GAB4: variants seen among roughly 807,000 people sequenced by gnomAD.
The protein encoded by GAB4 is GRB2 associated binding protein family member 4, also known as GRB2-associated-binding protein 4.
GAB4 carries 26 observed loss-of-function variants against 51.3 expected under a neutral mutation model. That is an observed-to-expected ratio of 0.51 (90% CI 0.37 to 0.70). The LOEUF is 0.70. Ranked by LOEUF, GAB4 falls within the 30% of genes least tolerant of loss-of-function variation. The pLI is 0.00. For synonymous variants in GAB4, 329 were observed against 291.2 expected, an observed-to-expected ratio of 1.13 and a Z score of -1.32; for missense variants, 759 against 734.6, an observed-to-expected ratio of 1.03 and a Z score of -0.38.
At position 16,992,098 on chromosome 22, in the gene GAB4, C is replaced by A. The variant is rs2060918900; in HGVS notation, c.253G>T (p.Asp85Tyr). Residue 85 changes from aspartate (D) to tyrosine (Y), a missense_variant, in exon 2 of 10, where the codon GAT (aspartate) becomes TAT (tyrosine). Coordinates refer to ENST00000400588, the MANE Select transcript of GAB4 (RefSeq NM_001037814.1). ...GTGCGCAGGGGCTTCTTGGAGCCAT[C>A]ATTCTTGTAGTATTCCAGAACATCT... is the stretch of plus-strand genomic sequence containing the variant. ...DPDVLEYYKN[D>Y]GSKKPLRTIN... The A allele has an allele frequency of 3.1e-6, 5 of 1,614,110 alleles. No homozygotes were observed. Among genetic ancestry groups the A allele is most frequent in the South Asian group, 1.1e-5 (1 of 91,078 alleles).
At chr22:17,001,270 G>A (rs1462444702) in intron 1 of GAB4, among the ~76,000 whole-genome samples, 1 of 152,186 alleles carries the variant, frequency 6.6e-6, no homozygotes, top group African/African-American at 2.4e-5. Context: ...TCACTTTCAG[G>A]TACACCAATC....
At chr22:16,974,305 C>T (rs974390801) in intron 3 of GAB4, among the ~76,000 whole-genome samples, 1 of 152,242 alleles carries the variant, frequency 6.6e-6, no homozygotes, top group African/African-American at 2.4e-5. Context: ...GACCCTGTGT[C>T]AGGTGCATGA....
chr22:16,984,029 A>G (rs2060847119), intron 3 of GAB4, among the ~76,000 whole-genome samples: 1 of 152,228 alleles, frequency 6.6e-6, no homozygotes, highest in South Asian at 2.1e-4. Flanking sequence ...TCTACGCAAT[A>G]GGAGAAAGTA....
chr22:16,970,506 C>T (rs1416622949), intron 3 of GAB4, among the ~76,000 whole-genome samples: 1 of 152,176 alleles, frequency 6.6e-6, no homozygotes, highest in Non-Finnish European at 1.5e-5. Context: ...TTCCTCTCCC[C>T]CAATGGCTGT....
chr22:16,970,592 G>C (rs2060722671), intron 3 of GAB4, among the ~76,000 whole-genome samples: 1 of 152,194 alleles, frequency 6.6e-6, no homozygotes, highest in African/African-American at 2.4e-5. Flanking sequence ...GTTCCCTGCT[G>C]TGAGCATTGC....
intron 1 of GAB4, 129 bp from the exon 2 acceptor site, chr22:16,992,305 C>T (rs1288973987): frequency 1.3e-6 from 1 of 787,910 alleles, no homozygotes. Flanking sequence ...TTCGGATTTC[C>T]CCAGTTTCAA....
At chr22:16,971,443 G>T (rs2060731174) in intron 3 of GAB4, among the ~76,000 whole-genome samples, 1 of 152,236 alleles carries the variant, frequency 6.6e-6, no homozygotes, top group Non-Finnish European at 1.5e-5. Flanking sequence ...TCTACGTTCT[G>T]TGTGGGCGCT....
At chr22:16,988,763 G>A (rs2060889851) in intron 2 of GAB4, among the ~76,000 whole-genome samples, 1 of 152,152 alleles carries the variant, frequency 6.6e-6, no homozygotes, top group Non-Finnish European at 1.5e-5. Flanking sequence ...GAACCTACGA[G>A]GCCTTTCACA....
At chr22:16,997,701 T>C (rs1440658187) in intron 1 of GAB4, among the ~76,000 whole-genome samples, 2 of 152,242 alleles carry the variant, frequency 1.3e-5, no homozygotes, top group East Asian at 1.9e-4. Flanking sequence ...GTTTTAATTA[T>C]GAAGTCCTTG....
chr22:16,990,600 G>A (rs1331386077), intron 2 of GAB4, among the ~76,000 whole-genome samples: 1 of 152,134 alleles, frequency 6.6e-6, no homozygotes, highest in Non-Finnish European at 1.5e-5. Flanking sequence ...GAGGATGAAA[G>A]AGTGACTCAC....
chr22:16,998,769 A>G (rs1485587663), intron 1 of GAB4, among the ~76,000 whole-genome samples: 2 of 152,138 alleles, frequency 1.3e-5, no homozygotes, highest in Non-Finnish European at 1.5e-5. Flanking sequence ...TCAGTATGAT[A>G]TTGGCTGTCG....
intron 6 of GAB4, 97 bp from the exon 7 acceptor site, chr22:16,965,365 C>A: frequency 3.4e-6 from 3 of 888,684 alleles, no homozygotes; most frequent in Non-Finnish European, 5.5e-6. Context: ...AGGCCCACCC[C>A]GTCCACCCAG....
chr22:17,002,787 T>C (rs563170468), intron 1 of GAB4, among the ~76,000 whole-genome samples: 11 of 152,266 alleles, frequency 7.2e-5, no homozygotes, highest in African/African-American at 2.6e-4. Flanking sequence ...GTAACAGACC[T>C]GTACATTGTG....
At chr22:17,006,864 G>A (rs1044639752) in intron 1 of GAB4, among the ~76,000 whole-genome samples, 1 of 152,122 alleles carries the variant, frequency 6.6e-6, no homozygotes, top group African/African-American at 2.4e-5. Flanking sequence ...TTGGGGTTGG[G>A]GGGCAAGGGA....
At chr22:17,002,138 C>T (rs1052138454) in intron 1 of GAB4, among the ~76,000 whole-genome samples, 2 of 152,136 alleles carry the variant, frequency 1.3e-5, no homozygotes, top group African/African-American at 2.4e-5. Context: ...CACCCTGCTC[C>T]GTGGGCTGCA....
At chr22:16,990,306 C>G (rs1469953386) in intron 2 of GAB4, among the ~76,000 whole-genome samples, 3 of 152,212 alleles carry the variant, frequency 2.0e-5, no homozygotes, top group African/African-American at 7.2e-5. Flanking sequence ...TCACCCCATA[C>G]ATTCAGCTCA....
At chr22:16,968,428 G>A in intron 4 of GAB4, 45 bp from the exon 5 acceptor site, 1 of 1,416,020 alleles carries the variant, frequency 7.1e-7, no homozygotes, top group Non-Finnish European at 1.0e-6. Flanking sequence ...GCTGATCCAT[G>A]TGTTGATGCC....
At chr22:16,970,672 A>G (rs2060723276) in intron 3 of GAB4, among the ~76,000 whole-genome samples, 2 of 152,196 alleles carry the variant, frequency 1.3e-5, no homozygotes. Flanking sequence ...GGCAGGAAGC[A>G]GCAAGCGAGT....
intron 6 of GAB4, among the ~76,000 whole-genome samples, chr22:16,965,776 C>T (rs761373616): frequency 3.9e-5 from 6 of 152,182 alleles, no homozygotes; most frequent in South Asian, 2.1e-4. Flanking sequence ...CCTTGAACCC[C>T]GTGCTGGGCC....
Sources: allele counts gnomAD v4.1 joint callset (sites outside exome capture counted in the v4.1 genomes callset), GRCh38; gene constraint gnomAD v4.1.1; transcripts MANE v1.5; gene names NCBI Gene and HGNC (gene_info 2026-07-23, HGNC 2026-07-21).